Variants in ATP8A2 observed in about 807,000 individuals in gnomAD.
The protein encoded by ATP8A2 is phospholipid-transporting ATPase IB.
Under a neutral mutation model 165.6 loss-of-function variants are expected in ATP8A2, and 100 were observed. That is an observed-to-expected ratio of 0.60 (90% CI 0.51 to 0.71). The LOEUF is 0.71. Among genes scored for constraint, ATP8A2 ranks in the 30% least tolerant of loss-of-function variants. The pLI, the probability that ATP8A2 is intolerant of heterozygous loss-of-function variation, is 0.00. For synonymous variants in ATP8A2, 543 were observed against 548.8 expected, an observed-to-expected ratio of 0.99 and a Z score of 0.15; for missense variants, 1,227 against 1,479.5, an observed-to-expected ratio of 0.83 and a Z score of 2.80.
At position 25,731,285 on chromosome 13, in the gene ATP8A2, A is replaced by G. The variant is rs139152189; in HGVS notation, c.2384+31940A>G. Among the ~76,000 whole-genome samples the G allele has an allele frequency of 3.2e-3, 471 of 149,000 alleles. 6 individuals carry two copies. The highest frequency in any genetic ancestry group is 0.01 in the Middle Eastern group (3 of 292). On this transcript the variant is annotated intron_variant, in intron 25 of 36. Transcript: ENST00000381655. The stretch of plus-strand genomic sequence containing the variant: ...GGAAGCGGGAGGAAGAAAAAGAAAG[A>G]AAGAGAGAGAGAAAGAAAGAAAAGA...
chr13:25,594,984 G>GTGTATATATATA (rs150738527), intron 24 of ATP8A2, among the ~76,000 whole-genome samples: 693 of 142,760 alleles, frequency 4.9e-3, no homozygotes, highest in Non-Finnish European at 6.0e-3. Context: ...GTGTGTGTGT[G>GTGTATATATATA]TATATATATA....
chr13:25,499,547 T>C (rs1566188229), intron 2 of ATP8A2, among the ~76,000 whole-genome samples: 1 of 152,232 alleles, frequency 6.6e-6, no homozygotes, highest in Non-Finnish European at 1.5e-5. Context: ...GGTGCTCATC[T>C]AGCAGATTTG....
chr13:25,596,339 A>G (rs1463680512), intron 24 of ATP8A2, among the ~76,000 whole-genome samples: 2 of 152,218 alleles, frequency 1.3e-5, no homozygotes, highest in East Asian at 1.9e-4. Context: ...AAATGTACCA[A>G]TTTTAAGTGT....
chr13:25,468,979 C>A lies in ATP8A2; in HGVS notation c.79C>A (p.Pro27Thr). Residue 27 changes from proline (P) to threonine (T), a missense_variant and splice_region_variant, in exon 2 of 37, where the codon CCT becomes ACT. Around this residue, in one of 5 missense-constraint regions of ATP8A2, gnomAD observed 356 missense variants for 394.9 expected, o/e 0.90. Transcript: ENST00000381655. The stretch of plus-strand genomic sequence containing the variant: ...CTGCCTGCGCCCTGTCTCTGCAGGA[C>A]CTGTTCGTTCTTCTTTGGGCTATAA... ...RRSRIRSSVG[P>T]VRSSLGYKKA... is the part of the protein sequence containing the mutation. The A allele has an allele frequency of 1.2e-6, 2 of 1,613,976 alleles. No homozygotes were observed. The highest frequency in any genetic ancestry group is 1.7e-6 in the Non-Finnish European group (2 of 1,179,868).
rs76552113 is a variant in ATP8A2 at position 25,485,205 on chromosome 13, C to T, written c.221+16084C>T. 5.4e-3 allele frequency among the ~76,000 whole-genome samples: 824 copies of T among 152,344 alleles called. 8 individuals carry two copies. The highest frequency in any genetic ancestry group is 0.019 in the African/African-American group (787 of 41,582). ...TGTCAGCTGTCATGCAGTTTCAACA[C>T]TACACCTATTTCAACAAAGTTTTGT... On this transcript the variant is annotated intron_variant, in intron 2 of 36. Coordinates refer to ENST00000381655, the MANE Select transcript of ATP8A2 (RefSeq NM_016529.6).
chr13:25,684,405 A>G (rs2042559067), intron 24 of ATP8A2, among the ~76,000 whole-genome samples: 1 of 151,258 alleles, frequency 6.6e-6, no homozygotes, highest in Admixed American at 6.6e-5. Flanking sequence ...TGATCTCAAG[A>G]CAAGCTGAAG....
At chr13:25,716,300 G>A (rs1262123351) in intron 25 of ATP8A2, among the ~76,000 whole-genome samples, 2 of 152,060 alleles carry the variant, frequency 1.3e-5, no homozygotes, top group Non-Finnish European at 2.9e-5. Flanking sequence ...TGATGGTATT[G>A]TTTGTAGCAC....
intron 1 of ATP8A2, among the ~76,000 whole-genome samples, chr13:25,424,791 C>G (rs2034397322): frequency 6.6e-6 from 1 of 152,096 alleles, no homozygotes; most frequent in South Asian, 2.1e-4. Flanking sequence ...AACCCCGTCT[C>G]TACTAAAAAT....
intron 24 of ATP8A2, among the ~76,000 whole-genome samples, chr13:25,680,348 C>G (rs1016757955): frequency 5.9e-5 from 9 of 152,092 alleles, no homozygotes; most frequent in African/African-American, 2.2e-4. Flanking sequence ...CAGCTGTGTA[C>G]TAAGGAATTG....
intron 24 of ATP8A2, among the ~76,000 whole-genome samples, chr13:25,697,956 AAT>A (rs1291914226): frequency 6.6e-6 from 1 of 152,216 alleles, no homozygotes; most frequent in Admixed American, 6.5e-5. Flanking sequence ...CTCACTTTTT[AAT>A]AGTAGCTGAT....
chr13:25,520,279 T>C (rs2037619971), intron 2 of ATP8A2, among the ~76,000 whole-genome samples: 1 of 152,212 alleles, frequency 6.6e-6, no homozygotes. Flanking sequence ...TATTTGTCTT[T>C]TTATGCCTGG....
At chr13:25,570,054 T>C (rs2039421340) in intron 16 of ATP8A2, among the ~76,000 whole-genome samples, 1 of 152,224 alleles carries the variant, frequency 6.6e-6, no homozygotes, top group Admixed American at 6.5e-5. Context: ...TAAAAAATTA[T>C]ATATTTTTTT....
At chr13:25,811,363 C>T (rs1311500266) in intron 27 of ATP8A2, among the ~76,000 whole-genome samples, 1 of 151,988 alleles carries the variant, frequency 6.6e-6, no homozygotes, top group African/African-American at 2.4e-5. Context: ...AAAATGAAGT[C>T]AATTGCATCA....
intron 1 of ATP8A2, among the ~76,000 whole-genome samples, chr13:25,406,536 T>C (rs1471891283): frequency 6.6e-6 from 1 of 152,142 alleles, no homozygotes. Context: ...GGACTATGCA[T>C]ACACTACAGT....
chr13:25,481,215 G>A (rs1391040008), intron 2 of ATP8A2, among the ~76,000 whole-genome samples: 3,491 of 151,088 alleles, frequency 0.023, 138 homozygotes, highest in African/African-American at 0.081. Flanking sequence ...CAGGGACAGG[G>A]ACAGGGACAG....
chr13:25,651,767 C>A (rs1335162756), intron 24 of ATP8A2, among the ~76,000 whole-genome samples: 1 of 151,978 alleles, frequency 6.6e-6, no homozygotes, highest in African/African-American at 2.4e-5. Context: ...TAGTATTTTT[C>A]TTGTCAGTGT....
chr13:25,717,430 A>AC (rs959433052), intron 25 of ATP8A2, among the ~76,000 whole-genome samples: 1 of 151,424 alleles, frequency 6.6e-6, no homozygotes, highest in African/African-American at 2.4e-5. Context: ...AAAAAAAAAA[A>AC]AAAAAACACC....
intron 33 of ATP8A2, among the ~76,000 whole-genome samples, chr13:25,866,911 G>A (rs1218666916): frequency 6.6e-6 from 1 of 152,170 alleles, no homozygotes; most frequent in East Asian, 1.9e-4. Flanking sequence ...TGGTGACGGT[G>A]ACCACCGTAA....
intron 35 of ATP8A2, among the ~76,000 whole-genome samples, chr13:25,988,068 G>T (rs1245160497): frequency 1.3e-5 from 2 of 152,228 alleles, no homozygotes; most frequent in Non-Finnish European, 2.9e-5. Context: ...TATCTATACA[G>T]GTTTACAGAA....
Sources: allele counts gnomAD v4.1 joint callset (sites outside exome capture counted in the v4.1 genomes callset), GRCh38; gene constraint gnomAD v4.1.1; regional missense constraint gnomAD v4.1.1; transcripts MANE v1.5; gene names NCBI Gene and HGNC (gene_info 2026-07-23, HGNC 2026-07-21).